The following APOLD1 variants were observed in gnomAD, a reference collection of about 807,000 sequenced individuals.
APOLD1 encodes the protein apolipoprotein L domain-containing protein 1.
Under a neutral mutation model 15.3 loss-of-function variants are expected in APOLD1, and 22 were observed. The observed-to-expected ratio is 1.44, with a 90% CI of 1.03 to 2.05. The LOEUF is 2.05. APOLD1 is among the 30% of genes most tolerant of loss of function. The pLI, the probability that APOLD1 is intolerant of heterozygous loss-of-function variation, is 0.00. For missense variants in APOLD1, 394 were observed against 353.5 expected (o/e 1.11, Z -0.92); for synonymous variants, 190 against 167.4 (o/e 1.13, Z -1.04).
upstream of APOLD1, among the ~76,000 whole-genome samples, chr12:12,782,257 T>TCAAACAAACAAA (rs59794394): frequency 1.7e-5 from 2 of 119,126 alleles, no homozygotes; most frequent in East Asian, 4.9e-4. Flanking sequence ...AGACTCCGTC[T>TCAAACAAACAAA]CAAACAAACA....
At chr12:12,784,944 C>G (rs992535671), upstream of APOLD1, among the ~76,000 whole-genome samples, 1 of 152,196 alleles carries the variant, frequency 6.6e-6, no homozygotes, top group African/African-American at 2.4e-5. Flanking sequence ...CAAATGAAAA[C>G]CTGGGAAGCC....
chr12:12,739,834 T>C (rs1263227669), intron 1 of APOLD1, among the ~76,000 whole-genome samples: 2 of 93,274 alleles, frequency 2.1e-5, no homozygotes, highest in African/African-American at 3.9e-5. Flanking sequence ...TTTTTTTTTT[T>C]GAGACAGAGT....
At chr12:12,776,621 C>A (rs191989072) in intron 1 of APOLD1, among the ~76,000 whole-genome samples, 2 of 152,178 alleles carry the variant, frequency 1.3e-5, no homozygotes, top group Non-Finnish European at 2.9e-5. Context: ...GAGGAGGAAG[C>A]GGAGCAAACT....
At chr12:12,771,645 T>G in intron 1 of APOLD1, 2 of 500,338 alleles carry the variant, frequency 4.0e-6, no homozygotes, top group Non-Finnish European at 7.9e-6. Flanking sequence ...ATTGTCAGAG[T>G]TCATTGAAAC....
At chr12:12,740,579 ATC>A (rs1458977430) in intron 1 of APOLD1, among the ~76,000 whole-genome samples, 2 of 152,142 alleles carry the variant, frequency 1.3e-5, no homozygotes, top group Non-Finnish European at 2.9e-5. Flanking sequence ...TAATATCCCA[ATC>A]TCTCTGTTTC....
At chr12:12,736,399 C>A (rs1035599259) in intron 1 of APOLD1, among the ~76,000 whole-genome samples, 7 of 150,612 alleles carry the variant, frequency 4.6e-5, no homozygotes, top group Non-Finnish European at 8.9e-5. Context: ...TGGTGGTGTG[C>A]ACCTGTAGTC....
rs560600974 is a variant in APOLD1 at position 12,786,932 on chromosome 12, G to A, written c.27G>A (p.Arg9=). Residue 9 remains arginine (R), a synonymous_variant, in exon 2 of 2, where the codon CGG becomes CGA. Coordinates refer to ENST00000356591, the MANE Select transcript of APOLD1 (RefSeq NM_030817.3). ...AGGGAATGGAGAGGCCGGCGGCCCG[G>A]GAGCCGCATGGGCCCGACGCGCTGC... MGMERPAA[R]EPHGPDALRR... is the part of the protein sequence containing the mutation. 1.5e-5 allele frequency: 22 copies of A among 1,452,008 alleles called. No homozygotes were observed. The highest frequency in any genetic ancestry group is 1.0e-4 in the African/African-American group (7 of 67,368). The allele number at this position is 1,452,008 out of a possible 1,614,324, so 89.9% of individuals were successfully genotyped here.
chr12:12,789,535 A>G lies in APOLD1; in HGVS notation c.*1883A>G, dbSNP rs1947165203. 6.6e-6 allele frequency: 1 copy of G among 152,244 alleles called. No homozygotes were observed. Among genetic ancestry groups the G allele is most frequent in the Admixed American group, 6.5e-5 (1 of 15,284 alleles). 9.4% of individuals were successfully genotyped at this position (152,244 alleles called of 1,614,324 possible). A position where few individuals can be genotyped will look rare whatever the true frequency, so the allele number is the denominator to read the frequency against. ...TAAAAAGTTTAGAGGTATGTGAAGG[A>G]AGCACTTAGAACTTGCAAGCCTGAT... On this transcript the variant is annotated 3_prime_UTR_variant, in exon 2 of 2. Coordinates refer to ENST00000356591, the MANE Select transcript of APOLD1 (RefSeq NM_030817.3).
At chr12:12,754,654 C>T (rs1478813902) in intron 1 of APOLD1, among the ~76,000 whole-genome samples, 2 of 151,970 alleles carry the variant, frequency 1.3e-5, no homozygotes, top group Non-Finnish European at 2.9e-5. Flanking sequence ...TGGTCTTGAA[C>T]TCCTGACCTC....
chr12:12,729,356 T>TA (rs35625851), intron 1 of APOLD1, among the ~76,000 whole-genome samples: 74,578 of 151,804 alleles, frequency 0.49, 18,783 homozygotes, highest in African/African-American at 0.57. Context: ...AAAGGATTTT[T>TA]AAAAAAATCT....
intron 1 of APOLD1, among the ~76,000 whole-genome samples, chr12:12,770,907 A>G (rs536086347): frequency 8.5e-5 from 13 of 152,254 alleles, no homozygotes; most frequent in Middle Eastern, 3.4e-3. Context: ...AATTACATCC[A>G]ACTTCTCCTC....
At chr12:12,735,698 T>C (rs1324855625) in intron 1 of APOLD1, among the ~76,000 whole-genome samples, 3 of 152,036 alleles carry the variant, frequency 2.0e-5, no homozygotes, top group Non-Finnish European at 4.4e-5. Flanking sequence ...CCAAAGTGGA[T>C]TGCTTGGGAG....
Sources: allele counts gnomAD v4.1 joint callset (sites outside exome capture counted in the v4.1 genomes callset), GRCh38; gene constraint gnomAD v4.1.1; transcripts MANE v1.5; gene names NCBI Gene and HGNC (gene_info 2026-07-23, HGNC 2026-07-21).